Variants in TEKT5 observed in about 807,000 individuals in gnomAD.
TEKT5 encodes tektin-5.
Under a neutral mutation model 48.7 loss-of-function variants are expected in TEKT5, and 52 were observed. That is an observed-to-expected ratio of 1.07 (90% CI 0.86 to 1.35). The LOEUF (loss-of-function observed/expected upper bound fraction) is 1.35, where lower values mean the gene tolerates loss of function less well. Among genes scored for constraint, TEKT5 ranks in the 40% most tolerant of loss-of-function variants. The pLI is 0.00. For missense variants in TEKT5, 831 were observed against 641.6 expected, an observed-to-expected ratio of 1.30 and a Z score of -3.19; for synonymous variants, 318 against 267.6, an observed-to-expected ratio of 1.19 and a Z score of -1.84.
intron 3 of TEKT5, among the ~76,000 whole-genome samples, chr16:10,687,954 C>A (rs1421774215): frequency 1.3e-5 from 2 of 152,202 alleles, no homozygotes; most frequent in Admixed American, 1.3e-4. Context: ...TCCCCTCCAG[C>A]ATTTATCATT....
At chr16:10,661,542 T>C (rs906097313) in intron 5 of TEKT5, among the ~76,000 whole-genome samples, 5 of 152,312 alleles carry the variant, frequency 3.3e-5, no homozygotes, top group Admixed American at 6.5e-5. Context: ...ATTTGGAGGA[T>C]AGACAGAGGG....
At chr16:10,692,180 C>A (rs1346569297) in intron 1 of TEKT5, among the ~76,000 whole-genome samples, 1 of 152,096 alleles carries the variant, frequency 6.6e-6, no homozygotes, top group African/African-American at 2.4e-5. Flanking sequence ...CCAGGCAAAG[C>A]TGGACTTTCC....
intron 5 of TEKT5, among the ~76,000 whole-genome samples, chr16:10,648,785 G>C (rs1898109966): frequency 6.6e-6 from 1 of 152,232 alleles, no homozygotes. Context: ...GGTTCACAAA[G>C]AGCAGCTTCA....
chr16:10,692,541 G>A (rs891223951), intron 1 of TEKT5: 23 of 152,334 alleles, frequency 1.5e-4, no homozygotes, highest in African/African-American at 4.8e-4. Flanking sequence ...CTTACCCAGT[G>A]TCCACTCAAC....
intron 4 of TEKT5, 113 bp from the exon 5 acceptor site, chr16:10,676,294 T>C (rs1204417696): frequency 2.0e-6 from 2 of 1,014,998 alleles, no homozygotes; most frequent in East Asian, 2.6e-5. Flanking sequence ...TCCTGTGCAT[T>C]GTAGGGTGCT....
chr16:10,653,896 A>G (rs1240013152), intron 5 of TEKT5, among the ~76,000 whole-genome samples: 1 of 152,174 alleles, frequency 6.6e-6, no homozygotes, highest in Non-Finnish European at 1.5e-5. Flanking sequence ...CTGGGCAATA[A>G]GAGTGAAACT....
chr16:10,628,631 A>T (rs1897791302), intron 6 of TEKT5, among the ~76,000 whole-genome samples: 1 of 152,194 alleles, frequency 6.6e-6, no homozygotes, highest in African/African-American at 2.4e-5. Context: ...ACAGCTGGGT[A>T]TGGTGGCTCA....
At chr16:10,629,585 G>A (rs1897807043) in intron 6 of TEKT5, among the ~76,000 whole-genome samples, 2 of 152,122 alleles carry the variant, frequency 1.3e-5, no homozygotes, top group Non-Finnish European at 2.9e-5. Context: ...AACAGGGCCA[G>A]CCTTGTCTAG....
chr16:10,682,870 CCA>C (rs1214748803), intron 3 of TEKT5, among the ~76,000 whole-genome samples: 1 of 152,202 alleles, frequency 6.6e-6, no homozygotes, highest in Non-Finnish European at 1.5e-5. Flanking sequence ...AGATATCAAT[CCA>C]CACTTTGGAC....
chr16:10,685,744 T>A (rs1171237932), intron 3 of TEKT5, among the ~76,000 whole-genome samples: 1 of 152,174 alleles, frequency 6.6e-6, no homozygotes, highest in East Asian at 1.9e-4. Context: ...TCTGTTTATC[T>A]CTTCATGTCT....
chr16:10,682,288 A>G, intron 3 of TEKT5, 152 bp from the exon 4 acceptor site: 1 of 747,476 alleles, frequency 1.3e-6, no homozygotes, highest in Non-Finnish European at 2.1e-6. Flanking sequence ...CCCACCACAT[A>G]CCCAGAGGCT....
At chr16:10,689,231 T>TAAA in intron 3 of TEKT5, 22 bp downstream of exon 3, 3 of 1,383,686 alleles carry the variant, frequency 2.2e-6, no homozygotes, top group Admixed American at 2.1e-5. Context: ...GAGAGGGAAT[T>TAAA]AAAAAAAAAA....
At chr16:10,659,471 C>A (rs997969402) in intron 5 of TEKT5, among the ~76,000 whole-genome samples, 7 of 152,166 alleles carry the variant, frequency 4.6e-5, no homozygotes, top group African/African-American at 1.7e-4. Flanking sequence ...GCTCTGCCTC[C>A]CGAGTTCACA....
At chr16:10,672,040 G>A (rs139555461) in intron 5 of TEKT5, among the ~76,000 whole-genome samples, 315 of 152,252 alleles carry the variant, frequency 2.1e-3, no homozygotes, top group Non-Finnish European at 3.2e-3. Context: ...TTTAATGGGT[G>A]CAGAGTTTCA....
intron 5 of TEKT5, among the ~76,000 whole-genome samples, chr16:10,649,235 C>A (rs1336520036): frequency 4.0e-5 from 6 of 151,606 alleles, no homozygotes; most frequent in African/African-American, 1.5e-4. Flanking sequence ...GTTCCCAACC[C>A]AGTCTCCTAT....
intron 4 of TEKT5, among the ~76,000 whole-genome samples, 171 bp downstream of exon 4, chr16:10,681,822 C>T (rs1370184680): frequency 6.6e-6 from 1 of 152,060 alleles, no homozygotes; most frequent in African/African-American, 2.4e-5. Context: ...TCCATCTTGT[C>T]TTAAGCTAAC....
chr16:10,684,643 C>A (rs1156590301), intron 3 of TEKT5, among the ~76,000 whole-genome samples: 1 of 152,134 alleles, frequency 6.6e-6, no homozygotes, highest in African/African-American at 2.4e-5. Flanking sequence ...ATGTGGAAAG[C>A]AAACATGTTA....
In TEKT5 at chr16:10,694,363, T is replaced by C. The variant is rs560148417; in HGVS notation, c.511A>G (p.Thr171Ala). 1 of 1,613,452 alleles carries C rather than the reference T, an allele frequency of 6.2e-7. No homozygotes were observed. Among genetic ancestry groups the C allele is most frequent in the Non-Finnish European group, 8.5e-7 (1 of 1,179,716 alleles). ...GCGCACTCCAGCCGCCTCTTGACCG[T>C]CTCCAAGTTCTGGTTCTCAGTCAGA... Reference protein sequence around the residue: ...RLLTENQNLETVKRRLECAAN... With the variant: ...RLLTENQNLEAVKRRLECAAN... Residue 171 changes from threonine (T) to alanine (A), a missense_variant, in exon 1 of 7, where the codon ACG becomes GCG. Physicochemically the swap from Thr to Ala is moderately conservative, Grantham distance 58. Coordinates refer to ENST00000283025, the MANE Select transcript of TEKT5 (RefSeq NM_144674.2).
In TEKT5 at chr16:10,672,848, G is replaced by GTT. The variant is rs537879870; in HGVS notation, c.1086+3109_1086+3110dup. Reference sequence around the variant, plus strand: ...CTCACGGCAGTTATTTTTTGTTTTTGTTTTTTTTTGTTTTTTTTTTTTGAG... The same window carrying GTT: ...CTCACGGCAGTTATTTTTTGTTTTTGTTTTTTTTTTTGTTTTTTTTTTTTGAG... On this transcript the variant is annotated intron_variant, in intron 5 of 6. Coordinates refer to ENST00000283025, the MANE Select transcript of TEKT5 (RefSeq NM_144674.2). Among the ~76,000 whole-genome samples the GTT allele has an allele frequency of 2.1e-3, 314 of 147,034 alleles. 1 individual carries two copies. Among genetic ancestry groups the GTT allele is most frequent in the African/African-American group, 7.6e-3 (304 of 39,856 alleles).
Sources: allele counts gnomAD v4.1 joint callset (sites outside exome capture counted in the v4.1 genomes callset), GRCh38; gene constraint gnomAD v4.1.1; transcripts MANE v1.5; gene names NCBI Gene and HGNC (gene_info 2026-07-23, HGNC 2026-07-21).